The following HERC1 variants were observed in gnomAD, a reference collection of about 807,000 sequenced individuals.
HERC1 encodes the protein HECT and RLD domain containing E3 ubiquitin protein ligase family member 1, also known as probable E3 ubiquitin-protein ligase HERC1.
Under a neutral mutation model 554.3 loss-of-function variants are expected in HERC1, and 160 were observed. That is an observed-to-expected ratio of 0.29 (90% confidence interval 0.25 to 0.33). The LOEUF (loss-of-function observed/expected upper bound fraction) is 0.33. HERC1 is among the 10% of genes least tolerant of loss of function. The probability of loss-of-function intolerance (pLI) is 1.00; values close to 1 mark genes in which losing one functional copy is unlikely to be tolerated. For missense variants in HERC1, 4,919 were observed against 5,918.5 expected (o/e 0.83, Z 5.54); for synonymous variants, 2,175 against 2,131.7 (o/e 1.02, Z -0.56).
Position 63,803,269 on chromosome 15 carries a change from A to G in HERC1, c.-26-27620T>C, listed in dbSNP as rs114696483. 8.7e-3 allele frequency among the ~76,000 whole-genome samples: 1,329 copies of G among 152,330 alleles called. 15 individuals are homozygous for G. Among genetic ancestry groups the G allele is most frequent in the African/African-American group, 0.031 (1,276 of 41,582 alleles). On this transcript the variant is annotated intron_variant, in intron 1 of 77. Transcript: ENST00000443617. ...TATTATCCCCATTTTCCAGGAAGGG[A>G]AGTGGAGGTACAGAGAGGCTAAATA...
rs755396362 is a variant in HERC1, at chr15:63,733,101, G to T, written c.2691C>A (p.Thr897=). 1 of 1,613,598 alleles carries T rather than the reference G, an allele frequency of 6.2e-7. No individual in the cohort carries two copies. The highest frequency in any genetic ancestry group is 1.3e-5 in the African/African-American group (1 of 74,830). ...TATAGCCAAGTAGGGAGGCTACGTG[G>T]GTATGATCTTGCAAACTTGTCAGGA... ...DIILTSLQDH[T]HVASLLGYSS... The change falls in exon 14 of 78, where the codon ACC becomes ACA. Residue 897 remains threonine, a synonymous_variant. Transcript: ENST00000443617.
At chr15:63,615,269 T>G (rs982009483) in intron 76 of HERC1, among the ~76,000 whole-genome samples, 2 of 152,126 alleles carry the variant, frequency 1.3e-5, no homozygotes, top group East Asian at 3.8e-4. Flanking sequence ...GCACTGGGTA[T>G]GGAGAAAAAG....
At chr15:63,794,211 G>A (rs935379039) in intron 1 of HERC1, among the ~76,000 whole-genome samples, 8 of 152,198 alleles carry the variant, frequency 5.3e-5, no homozygotes, top group Non-Finnish European at 1.2e-4. Context: ...TGTCTATGGA[G>A]TAGCCATTCT....
At chr15:63,637,015 T>C (rs1401276255) in intron 64 of HERC1, 1 of 404,978 alleles carries the variant, frequency 2.5e-6, no homozygotes, top group Non-Finnish European at 4.9e-6. Flanking sequence ...GCTCTCTTTG[T>C]AGGCTTCAGA....
chr15:63,718,668 T>A lies in HERC1; in HGVS notation c.3884A>T (p.Glu1295Val). The change falls in exon 21 of 78, where the codon GAA (glutamate) becomes GTA (valine). Residue 1295 changes from glutamate (E) to valine (V), a missense_variant. Glu to Val is a moderately radical substitution (Grantham distance 121). This residue lies in a region of HERC1 where 1,121 missense variants were observed against 1,244.0 expected (regional missense o/e 0.90). Coordinates refer to ENST00000443617, the MANE Select transcript of HERC1 (RefSeq NM_003922.4). The surrounding 1 kb of genome is among the most constrained non-coding windows in gnomAD (Gnocchi z 4.2). ...AACTTTGTATACACAACGGTACACT[T>A]CTGATAAGTGTTTACCAGGTTGATA... ...SRYQPGKHLS[E>V]VYRCVYKVRS... 1 of 1,603,080 alleles carries A rather than the reference T, an allele frequency of 6.2e-7. No individual in the cohort carries two copies. Among genetic ancestry groups the A allele is most frequent in the Non-Finnish European group, 8.5e-7 (1 of 1,173,252 alleles).
intron 18 of HERC1, 46 bp downstream of exon 18, chr15:63,725,245 AG>A (rs2073992750): frequency 6.7e-7 from 1 of 1,499,128 alleles, no homozygotes; most frequent in Non-Finnish European, 9.2e-7. Context: ...TCTCCAACTG[AG>A]GTACAAACAG....
At position 63,718,859 on chromosome 15, in the gene HERC1, C is replaced by T; in HGVS notation, c.3781G>A (p.Asp1261Asn). ...GCAAGAACAAATCTAGACACAGTGT[C>T]CAAGAGTGACTCATTACTTAAAGTT... ...SATLSNESLLDTVSRFVLAAL... is the reference protein window; with the variant it reads ...SATLSNESLLNTVSRFVLAAL... Residue 1261 changes from aspartate (D) to asparagine (N), a missense_variant, in exon 20 of 78, where the codon GAC becomes AAC. By Grantham distance (23) the Asp-to-Asn change is conservative. Coordinates refer to ENST00000443617, the MANE Select transcript of HERC1 (RefSeq NM_003922.4). The surrounding 1 kb of genome is among the most constrained non-coding windows in gnomAD (Gnocchi z 4.2). 1.9e-6 allele frequency: 3 copies of T among 1,612,564 alleles called. No homozygotes were observed. The highest frequency in any genetic ancestry group is 2.5e-6 in the Non-Finnish European group (3 of 1,178,780).
chr15:63,681,175 ATTGTTTTGTTTTGTT>A (rs144166394), intron 34 of HERC1, among the ~76,000 whole-genome samples: 5 of 151,812 alleles, frequency 3.3e-5, no homozygotes, highest in South Asian at 4.1e-4. Flanking sequence ...GACTAGGTGT[ATTGTTTTGTTTTGTT>A]TTGTTTTGTT....
At chr15:63,619,349 C>G (rs2067966046) in intron 74 of HERC1, among the ~76,000 whole-genome samples, 3 of 152,200 alleles carry the variant, frequency 2.0e-5, no homozygotes, top group Admixed American at 1.3e-4. Context: ...ATGAAGCCCA[C>G]TTGATCATGG....
intron 1 of HERC1, among the ~76,000 whole-genome samples, chr15:63,811,580 C>A (rs949627652): frequency 2.6e-5 from 4 of 151,922 alleles, no homozygotes; most frequent in Non-Finnish European, 5.9e-5. Context: ...GCGGCCGAGA[C>A]GGGCAGATCA....
intron 1 of HERC1, among the ~76,000 whole-genome samples, chr15:63,805,138 C>T (rs1489179645): frequency 6.6e-6 from 1 of 152,112 alleles, no homozygotes; most frequent in Non-Finnish European, 1.5e-5. Context: ...GTATTTATAG[C>T]GTCTTTATTC....
At chr15:63,657,658 T>G (rs2070121801) in intron 48 of HERC1, among the ~76,000 whole-genome samples, 1 of 149,756 alleles carries the variant, frequency 6.7e-6, no homozygotes, top group African/African-American at 2.6e-5. Flanking sequence ...CAATCTTTTA[T>G]GGCAGATTCC....
Position 63,663,119 on chromosome 15 carries a change from A to G in HERC1, c.8766T>C (p.Tyr2922=). The change falls in exon 44 of 78, where the codon TAT becomes TAC. Residue 2922 remains tyrosine (Y), a synonymous_variant. Coordinates refer to ENST00000443617, the MANE Select transcript of HERC1 (RefSeq NM_003922.4). ...CCAATTCCTCATCTAAATTAAAGTC[A>G]TACAACGCCCCTGGGTCTTGCTGCA... The part of the protein sequence containing the change: ...ISLQQDPGAL[Y]DFNLDEELEI... 6.2e-7 allele frequency: 1 copy of G among 1,613,994 alleles called. No homozygotes were observed. Among genetic ancestry groups the G allele is most frequent in the Non-Finnish European group, 8.5e-7 (1 of 1,179,866 alleles).
chr15:63,666,479 C>T lies in HERC1; in HGVS notation c.8207-7G>A, dbSNP rs369230581. 3.2e-6 allele frequency: 5 copies of T among 1,555,584 alleles called. No individual in the cohort carries two copies. Among genetic ancestry groups the T allele is most frequent in the Non-Finnish European group, 4.4e-6 (5 of 1,136,332 alleles). Reference sequence around the variant, plus strand: ...CTGCTTGGGTCTGACAAGGCTGAGACAAAAGGAAGAGAAATAAGAACCTAA... The same window carrying T: ...CTGCTTGGGTCTGACAAGGCTGAGATAAAAGGAAGAGAAATAAGAACCTAA... On this transcript the variant is annotated splice_polypyrimidine_tract_variant and splice_region_variant and intron_variant, in intron 40 of 77. Transcript: ENST00000443617.
chr15:63,652,350 C>T, intron 52 of HERC1, 64 bp downstream of exon 52: 1 of 1,479,226 alleles, frequency 6.8e-7, no homozygotes, highest in Non-Finnish European at 9.1e-7. Context: ...ATTAACACAA[C>T]CAAGATGAGG....
chr15:63,787,244 C>T (rs376899719), intron 1 of HERC1, among the ~76,000 whole-genome samples: 5 of 152,074 alleles, frequency 3.3e-5, no homozygotes, highest in African/African-American at 9.7e-5. Context: ...GCAACCTCCG[C>T]CTCCAGGATT....
chr15:63,624,085 TC>T, intron 72 of HERC1, 72 bp downstream of exon 72: 2 of 1,414,652 alleles, frequency 1.4e-6, no homozygotes, highest in South Asian at 2.6e-5. Flanking sequence ...AAACCAAGAC[TC>T]ACAGAAATTA....
chr15:63,631,866 C>A (rs1292633623), intron 68 of HERC1, among the ~76,000 whole-genome samples: 1 of 152,170 alleles, frequency 6.6e-6, no homozygotes, highest in African/African-American at 2.4e-5. Context: ...CCTGTGCCCA[C>A]CTGCCCTTTA....
rs780129351 is a variant in HERC1 at position 63,729,370 on chromosome 15, TAAG to T, written c.3022-5_3022-3del. ...AAGCAATGCCACACTGCTTGAGTTC[TAAG>T]AAGAAAAAAAGTTCCTAAATTACTA... On this transcript the variant is annotated splice_region_variant and splice_polypyrimidine_tract_variant and intron_variant, in intron 15 of 77. Transcript: ENST00000443617. 7 of 1,595,074 alleles carry T rather than the reference TAAG, an allele frequency of 4.4e-6. No homozygotes were observed. The highest frequency in any genetic ancestry group is 2.2e-5 in the East Asian group (1 of 44,706).
Sources: allele counts gnomAD v4.1 joint callset (sites outside exome capture counted in the v4.1 genomes callset), GRCh38; gene constraint gnomAD v4.1.1; regional missense constraint gnomAD v4.1.1; non-coding constraint Gnocchi (gnomAD v3.1); transcripts MANE v1.5; gene names NCBI Gene and HGNC (gene_info 2026-07-23, HGNC 2026-07-21).